Variants in ZNF408 observed in about 807,000 individuals in gnomAD.
ZNF408 encodes PR domain zinc finger protein 17.
In ZNF408, 24 loss-of-function variants were observed where a neutral mutation model predicts 27.6. That is an observed-to-expected ratio of 0.87 (90% CI 0.63 to 1.22). ZNF408 has a LOEUF of 1.22. ZNF408 is among the 50% of genes most tolerant of loss of function. The probability of loss-of-function intolerance (pLI) is 0.00; values close to 1 mark genes in which losing one functional copy is unlikely to be tolerated. For synonymous variants in ZNF408, 410 were observed against 396.1 expected (o/e 1.04, Z -0.42); for missense variants, 897 against 949.0 (o/e 0.95, Z 0.72).
At position 46,701,515 on chromosome 11, in the gene ZNF408, C is replaced by T. The variant is rs2064705289; in HGVS notation, c.169C>T (p.Leu57Phe). The part of the protein sequence containing the change: ...PTRDILALKS[L>F]PRGLALGPSL... Reference sequence around the variant, plus strand: ...CCGAGACATCCTCGCTTTAAAGAGCCTTCCCCGGGGCTTGGCCCTTGGCCC... The same window carrying T: ...CCGAGACATCCTCGCTTTAAAGAGCTTTCCCCGGGGCTTGGCCCTTGGCCC... Residue 57 changes from leucine (L) to phenylalanine (F), a missense_variant, in exon 2 of 5, where the codon CTT (leucine) becomes TTT (phenylalanine). Transcript: ENST00000311764. 3 of 1,613,906 alleles carry T rather than the reference C, an allele frequency of 1.9e-6. No homozygotes were observed. The highest frequency in any genetic ancestry group is 1.7e-6 in the Non-Finnish European group (2 of 1,180,046).
chr11:46,705,477 A>C lies in ZNF408; in HGVS notation c.1777A>C (p.Lys593Gln). 1 of 1,606,474 alleles carries C rather than the reference A, an allele frequency of 6.2e-7. No individual in the cohort carries two copies. Among genetic ancestry groups the C allele is most frequent in the Non-Finnish European group, 8.5e-7 (1 of 1,179,890 alleles). ...TGGCCGTGCTTACACGCTGGCCACC[A>C]AGCTGCGGCGCCACCTCAAATCTCA... ...QCGRAYTLAT[K>Q]LRRHLKSHLE... Residue 593 changes from lysine to glutamine, a missense_variant, in exon 5 of 5, where the codon AAG becomes CAG. Physicochemically the swap from Lys to Gln is moderately conservative, Grantham distance 53. Transcript: ENST00000311764. The surrounding 1 kb of genome is among the most constrained non-coding windows in gnomAD (Gnocchi z 6.5).
intron 4 of ZNF408, 60 bp from the exon 5 acceptor site, chr11:46,704,293 C>G (rs932562686): frequency 1.3e-6 from 2 of 1,507,372 alleles, no homozygotes; most frequent in Admixed American, 4.4e-5. Context: ...CCTGTAATTC[C>G]CTGGTAACAC....
chr11:46,704,040 G>T (rs1048632922), intron 4 of ZNF408, among the ~76,000 whole-genome samples: 4 of 151,960 alleles, frequency 2.6e-5, no homozygotes, highest in African/African-American at 9.7e-5. Flanking sequence ...GCTGGAAGGG[G>T]TCTTGAATCA....
rs138624865 is a variant in ZNF408 at position 46,704,813 on chromosome 11, C to T, written c.1113C>T (p.His371=). The change falls in exon 5 of 5, where the codon CAC becomes CAT. Residue 371 remains histidine (H), a synonymous_variant. Transcript: ENST00000311764. ...AFLQLCHLKK[H]AFVHTGHKPF... ...TACAGCTGTGCCACCTAAAGAAGCA[C>T]GCATTTGTGCACACGGGCCACAAGC... 34 of 1,599,500 alleles carry T rather than the reference C, an allele frequency of 2.1e-5. No individual in the cohort carries two copies. Among genetic ancestry groups the T allele is most frequent in the Admixed American group, 5.1e-5 (3 of 58,514 alleles).
chr11:46,705,678 GAC>G lies in ZNF408; in HGVS notation c.1986_1987del (p.His662GlnfsTer13), dbSNP rs1485634848. ...VLLQAEPQLL[D>X]THREEEVSPA... ...CCTGCAGGCTGAGCCACAACTGCTG[GAC>G]ACACACAGAGAGGAGGAAGTCTCCC... On this transcript the variant is annotated frameshift_variant, in exon 5 of 5. Transcript: ENST00000311764. LOFTEE classifies it low-confidence loss of function (END_TRUNC). This position sits in a 1 kb window ranked among gnomAD's most constrained non-coding sequence, Gnocchi z 6.5. 7 of 1,613,748 alleles carry G rather than the reference GAC, an allele frequency of 4.3e-6. No homozygotes were observed. Among genetic ancestry groups the G allele is most frequent in the African/African-American group, 2.7e-5 (2 of 74,930 alleles).
rs750758070 is a variant in ZNF408, at chr11:46,705,714, G to T, written c.2014G>T (p.Asp672Tyr). Residue 672 changes from aspartate to tyrosine, a missense_variant, in exon 5 of 5, where the codon GAT becomes TAT. Coordinates refer to ENST00000311764, the MANE Select transcript of ZNF408 (RefSeq NM_024741.3). The surrounding 1 kb of genome is among the most constrained non-coding windows in gnomAD (Gnocchi z 6.5). Reference protein sequence around the residue: ...HREEEVSPARDVVEVTISESQ... With the variant: ...HREEEVSPARYVVEVTISESQ... Reference sequence around the variant, plus strand: ...AGAGGAGGAAGTCTCCCCCGCCAGGGATGTTGTTGAGGTCACCATTTCAGA... The same window carrying T: ...AGAGGAGGAAGTCTCCCCCGCCAGGTATGTTGTTGAGGTCACCATTTCAGA... 1 of 1,613,222 alleles carries T rather than the reference G, an allele frequency of 6.2e-7. No individual in the cohort carries two copies. The highest frequency in any genetic ancestry group is 8.5e-7 in the Non-Finnish European group (1 of 1,179,730).
chr11:46,704,717 T>C lies in ZNF408; in HGVS notation c.1017T>C (p.Pro339=). ...GCTTCCCTACACTCTCGCGGAGCCC[T>C]CCTGGCCCAGCAGGAAGCTCCCCAA... The part of the protein sequence containing the change: ...QSGFPTLSRS[P]PGPAGSSPKQ... Residue 339 remains proline (P), a synonymous_variant, in exon 5 of 5, where the codon CCT becomes CCC. Coordinates refer to ENST00000311764, the MANE Select transcript of ZNF408 (RefSeq NM_024741.3). 1 of 1,603,870 alleles carries C rather than the reference T, an allele frequency of 6.2e-7. No homozygotes were observed. Among genetic ancestry groups the C allele is most frequent in the Non-Finnish European group, 8.5e-7 (1 of 1,175,870 alleles).
chr11:46,703,167 A>G lies in ZNF408; in HGVS notation c.576A>G (p.Ala192=), dbSNP rs1309801166. 1.7e-6 allele frequency: 2 copies of G among 1,156,042 alleles called. No homozygotes were observed. The highest frequency in any genetic ancestry group is 3.7e-5 in the Admixed American group (1 of 27,090). The allele number at this position is 1,156,042 out of a possible 1,614,324, so 71.6% of individuals were successfully genotyped here. ...GGCTGGACAAAGAGGCAGCTGTAGC[A>G]GTGGTGACAGAAGTGGAGTCTGCTG... ...QPGLDKEAAV[A]VVTEVESAVQ... The change falls in exon 4 of 5, where the codon GCA becomes GCG. Residue 192 remains alanine (A), a synonymous_variant. Transcript: ENST00000311764.
rs780263053 is a variant in ZNF408, at chr11:46,705,342, G to A, written c.1642G>A (p.Gly548Arg). The A allele has an allele frequency of 1.5e-5, 24 of 1,610,958 alleles. No individual in the cohort carries two copies. Among genetic ancestry groups the A allele is most frequent in the Admixed American group, 3.3e-5 (2 of 59,976 alleles). The change falls in exon 5 of 5, where the codon GGG becomes AGG. Residue 548 changes from glycine (G) to arginine (R), a missense_variant. Transcript: ENST00000311764. The surrounding 1 kb of genome is among the most constrained non-coding windows in gnomAD (Gnocchi z 6.5). The part of the protein sequence containing the change: ...ELRRHLISHT[G>R]EAHLCPVCGK... The stretch of plus-strand genomic sequence containing the variant: ...GCGGCGCCATCTCATCTCACACACC[G>A]GGGAGGCCCACTTGTGCCCGGTGTG...
chr11:46,704,202 G>A, intron 4 of ZNF408, 151 bp from the exon 5 acceptor site: 2 of 785,288 alleles, frequency 2.5e-6, no homozygotes, highest in East Asian at 5.5e-5. Context: ...TAAATGGAGT[G>A]TGCACCCCAT....
Position 46,705,620 on chromosome 11 carries a change from G to T in ZNF408, c.1920G>T (p.Val640=), listed in dbSNP as rs200305781. 6.2e-7 allele frequency: 1 copy of T among 1,612,362 alleles called. No individual in the cohort carries two copies. The highest frequency in any genetic ancestry group is 8.5e-7 in the Non-Finnish European group (1 of 1,180,020). The change falls in exon 5 of 5, where the codon GTG becomes GTT. Residue 640 remains valine, a synonymous_variant. Transcript: ENST00000311764. The surrounding 1 kb of genome is among the most constrained non-coding windows in gnomAD (Gnocchi z 6.5). ...RPEAPCSPPS[V]PSAASEPTVV... ...AGGCACCCTGCAGCCCACCCTCTGT[G>T]CCTTCTGCTGCTTCTGAGCCCACTG...
chr11:46,705,125 G>A lies in ZNF408; in HGVS notation c.1425G>A (p.Arg475=), dbSNP rs753044668. ...CTTGCCCATGCCCTGTGTGTGGGCG[G>A]CCCCTGGCCAACCAGGGCTCCCTGC... ...PAPCPCPVCG[R]PLANQGSLRN... The change falls in exon 5 of 5, where the codon CGG becomes CGA. Residue 475 remains arginine (R), a synonymous_variant. Coordinates refer to ENST00000311764, the MANE Select transcript of ZNF408 (RefSeq NM_024741.3). The surrounding 1 kb of genome is among the most constrained non-coding windows in gnomAD (Gnocchi z 6.5). 8 of 1,611,464 alleles carry A rather than the reference G, an allele frequency of 5.0e-6. No individual in the cohort carries two copies. The Admixed American group carries it at 5.0e-5, about 10-fold the overall frequency.
Position 46,701,088 on chromosome 11 carries a change from C to T in ZNF408, c.41C>T (p.Ala14Val), listed in dbSNP as rs2064700090. ...GAGCTGCTCTTGGAGGGGAAGAAGG[C>T]GCTGCAACTCGGTGAGTGACCTGCG... ...AEELLLEGKK[A>V]LQLAREPRLG... is the part of the protein sequence containing the mutation. Residue 14 changes from alanine to valine, a missense_variant, in exon 1 of 5, where the codon GCG (alanine) becomes GTG (valine). Transcript: ENST00000311764. 1 of 1,614,012 alleles carries T rather than the reference C, an allele frequency of 6.2e-7. No individual in the cohort carries two copies. The highest frequency in any genetic ancestry group is 1.7e-5 in the Admixed American group (1 of 59,998).
At chr11:46,701,284 C>T (rs1481019059) in intron 1 of ZNF408, 115 bp from the exon 2 acceptor site, 4 of 1,562,238 alleles carry the variant, frequency 2.6e-6, no homozygotes, top group African/African-American at 1.4e-5. Context: ...CCTTAGAGCC[C>T]TCACCTGTCC....
chr11:46,703,776 T>TTG (rs1412440540), intron 4 of ZNF408, among the ~76,000 whole-genome samples: 1 of 142,174 alleles, frequency 7.0e-6, no homozygotes, highest in Non-Finnish European at 1.5e-5. Flanking sequence ...TGTTGTTTTT[T>TTG]TTTTTTTTTG....
At position 46,703,211 on chromosome 11, in the gene ZNF408, C is replaced by T. The variant is rs754324403; in HGVS notation, c.620C>T (p.Ser207Phe). The T allele has an allele frequency of 6.2e-7, 1 of 1,613,600 alleles. No individual in the cohort carries two copies. Residue 207 changes from serine (S) to phenylalanine (F), a missense_variant, in exon 4 of 5, where the codon TCC (serine) becomes TTC (phenylalanine). Ser to Phe is a radical substitution (Grantham distance 155, BLOSUM62 -2). Coordinates refer to ENST00000311764, the MANE Select transcript of ZNF408 (RefSeq NM_024741.3). The part of the protein sequence containing the change: ...VESAVQQEVA[S>F]PGEDAAEPCI... ...TCTGCTGTACAGCAGGAAGTGGCCTCCCCTGGGGAGGATGCAGCAGAACCT... is the reference window on the plus strand; with the variant it reads ...TCTGCTGTACAGCAGGAAGTGGCCTTCCCTGGGGAGGATGCAGCAGAACCT...
chr11:46,703,767 G>GTTT lies in ZNF408; in HGVS notation c.652+526_652+527insTTT, dbSNP rs1478673835. Among the ~76,000 whole-genome samples the GTTT allele has an allele frequency of 8.3e-4, 72 of 87,076 alleles. No homozygotes were observed. The East Asian group carries it at 9.3e-3, about 11-fold the overall frequency. The allele number at this position is 87,076 out of a possible 152,430, so 57.1% of individuals were successfully genotyped here. ...TTTTGTTGTTGTTGTTGTTGTTGTTGTTGTTTTTTTTTTTTTTTGAGATGG... is the reference window on the plus strand; with the variant it reads ...TTTTGTTGTTGTTGTTGTTGTTGTTGTTTTTGTTTTTTTTTTTTTTTGAGATGG... On this transcript the variant is annotated intron_variant, in intron 4 of 4. Coordinates refer to ENST00000311764, the MANE Select transcript of ZNF408 (RefSeq NM_024741.3).
In ZNF408 at chr11:46,704,951, C is replaced by T. The variant is rs762978834; in HGVS notation, c.1251C>T (p.Ala417=). Residue 417 remains alanine (A), a synonymous_variant, in exon 5 of 5, where the codon GCC becomes GCT. Transcript: ENST00000311764. The part of the protein sequence containing the change: ...RPFPCPQCDK[A]YGTQRDLKEH... Reference sequence around the variant, plus strand: ...TCCCCTGTCCACAATGCGACAAGGCCTATGGCACCCAGCGAGACCTCAAAG... The same window carrying T: ...TCCCCTGTCCACAATGCGACAAGGCTTATGGCACCCAGCGAGACCTCAAAG... The T allele has an allele frequency of 4.2e-5, 67 of 1,613,486 alleles. No individual in the cohort carries two copies. The highest frequency in any genetic ancestry group is 5.3e-5 in the Non-Finnish European group (62 of 1,180,028).
chr11:46,701,997 C>T (rs1399979120), intron 2 of ZNF408: 1 of 248,564 alleles, frequency 4.0e-6, no homozygotes, highest in East Asian at 7.8e-5. Context: ...TTTAATTCAT[C>T]TGTGAAACAA....
Sources: allele counts gnomAD v4.1 joint callset (sites outside exome capture counted in the v4.1 genomes callset), GRCh38; gene constraint gnomAD v4.1.1; non-coding constraint Gnocchi (gnomAD v3.1); transcripts MANE v1.5; gene names NCBI Gene and HGNC (gene_info 2026-07-23, HGNC 2026-07-21).